N4BP2L1: variants seen among roughly 807,000 people sequenced by gnomAD.
The protein encoded by N4BP2L1 is NEDD4 binding protein 2 like 1, also known as NEDD4-binding protein 2-like 1.
N4BP2L1 carries 12 observed loss-of-function variants against 21.2 expected under a neutral mutation model. The ratio of observed to expected loss-of-function variants is 0.57; its 90% CI spans 0.36 to 0.92. N4BP2L1 has a LOEUF of 0.92. N4BP2L1 is among the 40% of genes least tolerant of loss of function. N4BP2L1 has a pLI of 0.01. For missense variants in N4BP2L1, 259 were observed against 310.6 expected (o/e 0.83, Z 1.25); for synonymous variants, 104 against 112.8 (o/e 0.92, Z 0.49).
intron 1 of N4BP2L1, among the ~76,000 whole-genome samples, chr13:32,412,829 C>T (rs910758402): frequency 1.2e-4 from 19 of 152,042 alleles, no homozygotes; most frequent in Non-Finnish European, 2.9e-5. Flanking sequence ...GCTCTCACTC[C>T]GCAGGGCCTG....
chr13:32,407,922 T>C (rs1454441945), intron 1 of N4BP2L1, 150 bp from the exon 2 acceptor site: 6 of 848,082 alleles, frequency 7.1e-6, no homozygotes, highest in Admixed American at 2.9e-5. Context: ...AAAAGAGAGA[T>C]GTTTATTATG....
intron 1 of N4BP2L1, among the ~76,000 whole-genome samples, chr13:32,415,512 C>A (rs893083026): frequency 6.6e-6 from 1 of 151,980 alleles, no homozygotes; most frequent in Non-Finnish European, 1.5e-5. Context: ...TCACATTTGT[C>A]TTCTACATTA....
Position 32,403,147 on chromosome 13 carries a change from T to C in N4BP2L1, c.527A>G (p.Tyr176Cys). The C allele has an allele frequency of 6.2e-7, 1 of 1,612,158 alleles. No homozygotes were observed. The highest frequency in any genetic ancestry group is 8.5e-7 in the Non-Finnish European group (1 of 1,179,218). The change falls in exon 5 of 5, where the codon TAT (tyrosine) becomes TGT (cysteine). Residue 176 changes from tyrosine to cysteine, a missense_variant. By Grantham distance (194) the Tyr-to-Cys change is radical. Transcript: ENST00000380130. Reference protein sequence around the residue: ...REKIHRMKERYEHDVTFHSVL... With the variant: ...REKIHRMKERCEHDVTFHSVL... ...ACTGTGAAAAGTAACATCGTGTTCA[T>C]ACCGTTCTTTCATTCGGTGGATTTT... is the stretch of plus-strand genomic sequence containing the variant.
intron 1 of N4BP2L1, among the ~76,000 whole-genome samples, chr13:32,427,416 C>T (rs1393349901): frequency 2.0e-5 from 3 of 152,236 alleles, no homozygotes; most frequent in Admixed American, 2.0e-4. Flanking sequence ...CTGTAGCGGC[C>T]GCCTGCGCGC....
rs1278035446 is a variant in N4BP2L1 at position 32,402,949 on chromosome 13, C to G, written c.725G>C (p.Gly242Ala). Reference sequence around the variant, plus strand: ...TGGCTGTAAGATAGGCCTCTAATATCCATGGTGACAACCGCCCCTTCTGTG... The same window carrying G: ...TGGCTGTAAGATAGGCCTCTAATATGCATGGTGACAACCGCCCCTTCTGTG... Reference protein sequence around the residue: ...SYHRRGGCHHGY With the variant: ...SYHRRGGCHHAY Residue 242 changes from glycine to alanine, a missense_variant, in exon 5 of 5, where the codon GGA becomes GCA. Coordinates refer to ENST00000380130, the MANE Select transcript of N4BP2L1 (RefSeq NM_052818.3). The G allele has an allele frequency of 6.3e-7, 1 of 1,599,592 alleles. No homozygotes were observed. The highest frequency in any genetic ancestry group is 8.5e-7 in the Non-Finnish European group (1 of 1,170,616).
chr13:32,427,661 T>TGGAG (rs2074864462), intron 1 of N4BP2L1, among the ~76,000 whole-genome samples: 1 of 151,968 alleles, frequency 6.6e-6, no homozygotes, highest in African/African-American at 2.4e-5. Flanking sequence ...ACGAGCTCCC[T>TGGAG]CCTCTCCGTG....
intron 1 of N4BP2L1, among the ~76,000 whole-genome samples, chr13:32,410,072 A>G (rs1265217748): frequency 6.6e-6 from 1 of 152,256 alleles, no homozygotes; most frequent in Non-Finnish European, 1.5e-5. Flanking sequence ...GATAGTTCTC[A>G]GACGCTGGGA....
chr13:32,424,207 A>G (rs2074639968), intron 1 of N4BP2L1, among the ~76,000 whole-genome samples: 2 of 152,136 alleles, frequency 1.3e-5, no homozygotes, highest in South Asian at 4.1e-4. Flanking sequence ...CACTTACTAC[A>G]ATGAAGCCTT....
intron 1 of N4BP2L1, among the ~76,000 whole-genome samples, chr13:32,422,703 T>C (rs1320842123): frequency 2.6e-5 from 4 of 152,262 alleles, no homozygotes; most frequent in East Asian, 1.9e-4. Flanking sequence ...CGCTGTATAT[T>C]TGCACTCTTT....
At chr13:32,412,818 G>A (rs2073933504) in intron 1 of N4BP2L1, among the ~76,000 whole-genome samples, 1 of 152,150 alleles carries the variant, frequency 6.6e-6, no homozygotes, top group Admixed American at 6.5e-5. Flanking sequence ...TGGTGGGGCT[G>A]GCTCTCACTC....
chr13:32,407,602 T>G, intron 2 of N4BP2L1, 43 bp downstream of exon 2: 1 of 1,609,532 alleles, frequency 6.2e-7, no homozygotes, highest in Non-Finnish European at 8.5e-7. Context: ...ACAATCTATG[T>G]GCACATCAGG....
In N4BP2L1 at chr13:32,404,349, A is replaced by G. The variant is rs2073341872; in HGVS notation, c.445T>C (p.Trp149Arg). ...EVIFREPDTR[W>R]KFNVQELARR... ...GCTAACTCTTGAACGTTGAATTTCC[A>G]GCGAGTGTCAGGTTCTCGGAATATA... Residue 149 changes from tryptophan to arginine, a missense_variant, in exon 4 of 5, where the codon TGG becomes CGG. By Grantham distance (101) the Trp-to-Arg change is moderately radical. Coordinates refer to ENST00000380130, the MANE Select transcript of N4BP2L1 (RefSeq NM_052818.3). 6.2e-7 allele frequency: 1 copy of G among 1,613,840 alleles called. No homozygotes were observed.
intron 1 of N4BP2L1, among the ~76,000 whole-genome samples, chr13:32,414,786 A>C (rs1005700146): frequency 1.3e-5 from 2 of 152,264 alleles, no homozygotes; most frequent in Middle Eastern, 6.8e-3. Context: ...GAGCTTAAAA[A>C]CTGGCTTGGG....
chr13:32,407,457 G>C, intron 2 of N4BP2L1, 119 bp from the exon 3 acceptor site: 1 of 1,587,012 alleles, frequency 6.3e-7, no homozygotes, highest in Non-Finnish European at 8.6e-7. Flanking sequence ...CACAACTTCA[G>C]AGCCCACTAT....
intron 1 of N4BP2L1, among the ~76,000 whole-genome samples, 193 bp from the exon 2 acceptor site, chr13:32,407,965 G>C (rs1282550279): frequency 6.6e-6 from 1 of 152,236 alleles, no homozygotes; most frequent in Admixed American, 6.5e-5. Flanking sequence ...CAGGAGATGG[G>C]AGAGGGCTGA....
At chr13:32,415,152 A>G (rs2074060506) in intron 1 of N4BP2L1, among the ~76,000 whole-genome samples, 1 of 152,166 alleles carries the variant, frequency 6.6e-6, no homozygotes, top group South Asian at 2.1e-4. Flanking sequence ...ATCAACATGG[A>G]CCCAGGAGTC....
chr13:32,418,386 C>A (rs1292157224), intron 1 of N4BP2L1, among the ~76,000 whole-genome samples: 1 of 152,214 alleles, frequency 6.6e-6, no homozygotes, highest in South Asian at 2.1e-4. Context: ...GGTTTGGGAA[C>A]CTCCACTTAG....
chr13:32,417,230 T>C (rs2074199736), intron 1 of N4BP2L1, among the ~76,000 whole-genome samples: 1 of 152,244 alleles, frequency 6.6e-6, no homozygotes, highest in African/African-American at 2.4e-5. Flanking sequence ...GGTTTGGCTG[T>C]GTCCCCACTC....
upstream of N4BP2L1, among the ~76,000 whole-genome samples, chr13:32,429,308 T>C (rs2074933012): frequency 6.6e-6 from 1 of 152,188 alleles, no homozygotes; most frequent in Non-Finnish European, 1.5e-5. Context: ...GATGAGCTGC[T>C]CTCCCTTGAA....
Sources: allele counts gnomAD v4.1 joint callset (sites outside exome capture counted in the v4.1 genomes callset), GRCh38; gene constraint gnomAD v4.1.1; transcripts MANE v1.5; gene names NCBI Gene and HGNC (gene_info 2026-07-23, HGNC 2026-07-21).